EPHB1: variants seen among roughly 807,000 people sequenced by gnomAD.
EPHB1 encodes the protein ephrin type-B receptor 1.
In EPHB1, 30 loss-of-function variants were observed where a neutral mutation model predicts 94.4. That is an observed-to-expected ratio of 0.32 (90% confidence interval 0.24 to 0.43). The LOEUF (loss-of-function observed/expected upper bound fraction) is 0.43, where lower values mean the gene tolerates loss of function less well. Among genes scored for constraint, EPHB1 ranks in the 20% least tolerant of loss-of-function variants. The pLI, the probability that EPHB1 is intolerant of heterozygous loss-of-function variation, is 1.00. For missense variants in EPHB1, 1,055 were observed against 1,308.3 expected (o/e 0.81, Z 2.99); for synonymous variants, 522 against 489.1 (o/e 1.07, Z -0.89).
chr3:134,918,399 A>G (rs183002576), intron 1 of EPHB1, among the ~76,000 whole-genome samples: 1 of 152,348 alleles, frequency 6.6e-6, no homozygotes, highest in East Asian at 1.9e-4. Context: ...TCTTGGAGTT[A>G]GTGGAGAGAC....
chr3:134,967,101 AAG>A (rs1462815761), intron 3 of EPHB1, among the ~76,000 whole-genome samples: 1 of 152,222 alleles, frequency 6.6e-6, no homozygotes, highest in Admixed American at 6.5e-5. Flanking sequence ...ACATGGTGAA[AAG>A]ACTCCTCTAG....
At chr3:135,074,829 A>T (rs779338478) in intron 3 of EPHB1, among the ~76,000 whole-genome samples, 5 of 152,108 alleles carry the variant, frequency 3.3e-5, no homozygotes, top group Admixed American at 1.3e-4. Context: ...GTGACCTCTA[A>T]GTAAAGGCCA....
chr3:135,170,648 C>T (rs1339160558), intron 9 of EPHB1, among the ~76,000 whole-genome samples: 2 of 152,030 alleles, frequency 1.3e-5, no homozygotes, highest in Admixed American at 6.5e-5. Context: ...CAGGTGGCCA[C>T]CTCGATGATC....
At chr3:135,183,092 C>T (rs1205426929) in intron 10 of EPHB1, among the ~76,000 whole-genome samples, 160 of 134,022 alleles carry the variant, frequency 1.2e-3, no homozygotes, top group African/African-American at 4.4e-3. Flanking sequence ...TTCTCTCTCT[C>T]TCTTCCTTTC....
intron 6 of EPHB1, among the ~76,000 whole-genome samples, chr3:135,155,274 G>A (rs903093141): frequency 6.6e-6 from 1 of 152,140 alleles, no homozygotes; most frequent in Non-Finnish European, 1.5e-5. Flanking sequence ...AAGTAGAGGG[G>A]TAGAGATAGG....
chr3:134,960,807 T>A (rs1032511498), intron 3 of EPHB1, among the ~76,000 whole-genome samples: 1 of 152,228 alleles, frequency 6.6e-6, no homozygotes, highest in East Asian at 1.9e-4. Context: ...AATCTTTTCA[T>A]TGAGGATAGG....
intron 3 of EPHB1, among the ~76,000 whole-genome samples, chr3:135,018,813 A>G (rs1490715981): frequency 4.6e-5 from 7 of 152,044 alleles, no homozygotes; most frequent in Non-Finnish European, 1.0e-4. Flanking sequence ...CCACAGACCA[A>G]TTTACTAACA....
At chr3:135,229,508 A>G (rs1943484528) in intron 12 of EPHB1, among the ~76,000 whole-genome samples, 1 of 152,276 alleles carries the variant, frequency 6.6e-6, no homozygotes, top group South Asian at 2.1e-4. Flanking sequence ...CAAACATTGC[A>G]ATGAAAAGAA....
At chr3:135,019,401 AG>A (rs960258732) in intron 3 of EPHB1, among the ~76,000 whole-genome samples, 9 of 152,212 alleles carry the variant, frequency 5.9e-5, no homozygotes, top group African/African-American at 2.2e-4. Context: ...AAGCCTTTAA[AG>A]GAATAGCATT....
rs189180594 is a variant in EPHB1 at position 135,032,174 on chromosome 3, A to G, written c.806-74274A>G. Among the ~76,000 whole-genome samples, 8 of 151,368 alleles carry G rather than the reference A, an allele frequency of 5.3e-5. No individual in the cohort carries two copies. The East Asian group carries it at 1.6e-3, about 29-fold the overall frequency. On this transcript the variant is annotated intron_variant, in intron 3 of 15. Transcript: ENST00000398015. ...TTCTAGTGCTTTTTGGATAACTTCTATCCATTTTACCAGTTATCTTTCTCA... is the reference window on the plus strand; with the variant it reads ...TTCTAGTGCTTTTTGGATAACTTCTGTCCATTTTACCAGTTATCTTTCTCA...
At chr3:134,923,995 G>A (rs574406657) in intron 1 of EPHB1, among the ~76,000 whole-genome samples, 57 of 152,264 alleles carry the variant, frequency 3.7e-4, no homozygotes, top group African/African-American at 1.4e-3. Context: ...CATATCCTGG[G>A]AATGCAGGGG....
intron 1 of EPHB1, among the ~76,000 whole-genome samples, chr3:134,909,209 G>A (rs1369125386): frequency 6.6e-6 from 1 of 152,002 alleles, no homozygotes; most frequent in Non-Finnish European, 1.5e-5. Flanking sequence ...TAATCTGAAG[G>A]GATGCCATGG....
chr3:134,924,964 G>A (rs1041558192), intron 1 of EPHB1, among the ~76,000 whole-genome samples: 4 of 152,302 alleles, frequency 2.6e-5, no homozygotes, highest in South Asian at 4.2e-4. Context: ...AAACTTTTGG[G>A]TATGATGAAT....
intron 11 of EPHB1, among the ~76,000 whole-genome samples, chr3:135,197,886 A>T (rs1326364887): frequency 6.6e-6 from 1 of 151,792 alleles, no homozygotes; most frequent in Non-Finnish European, 1.5e-5. Context: ...CTTTTTGGAG[A>T]ATTATGCCAA....
At chr3:135,182,371 C>T (rs76348428) in intron 10 of EPHB1, among the ~76,000 whole-genome samples, 2,416 of 152,288 alleles carry the variant, frequency 0.016, 26 homozygotes, top group Middle Eastern at 0.034. Flanking sequence ...GTCCTTTATT[C>T]TTCCTTTATT....
intron 12 of EPHB1, among the ~76,000 whole-genome samples, chr3:135,220,562 C>T (rs1231078715): frequency 2.0e-5 from 3 of 150,848 alleles, no homozygotes; most frequent in Non-Finnish European, 4.4e-5. Flanking sequence ...GCTCGCCTTT[C>T]CTCATGGCCA....
intron 15 of EPHB1, among the ~76,000 whole-genome samples, chr3:135,255,878 C>T (rs368679604): frequency 1.4e-5 from 2 of 141,132 alleles, no homozygotes; most frequent in Admixed American, 7.1e-5. Flanking sequence ...TCACTCAGGA[C>T]TTGCTTTATG....
At chr3:134,945,553 T>G (rs948189747) in intron 2 of EPHB1, among the ~76,000 whole-genome samples, 3 of 152,236 alleles carry the variant, frequency 2.0e-5, no homozygotes, top group Non-Finnish European at 4.4e-5. Flanking sequence ...AGCTACTGAA[T>G]TGATTTCTAG....
At chr3:135,094,555 A>G (rs1048661721) in intron 3 of EPHB1, among the ~76,000 whole-genome samples, 2 of 152,194 alleles carry the variant, frequency 1.3e-5, no homozygotes, top group Non-Finnish European at 2.9e-5. Context: ...GCCAAGGAAT[A>G]AGTTCAGCTG....
Sources: allele counts gnomAD v4.1 joint callset (sites outside exome capture counted in the v4.1 genomes callset), GRCh38; gene constraint gnomAD v4.1.1; transcripts MANE v1.5; gene names NCBI Gene and HGNC (gene_info 2026-07-23, HGNC 2026-07-21).